Variants in DOCK3 observed in about 807,000 individuals in gnomAD.
DOCK3 encodes dedicator of cytokinesis protein 3.
A neutral mutation model predicts 265.6 loss-of-function variants in DOCK3; 60 were observed. That is an observed-to-expected ratio of 0.23 (90% CI 0.18 to 0.28). DOCK3 has a LOEUF of 0.28. Ranked by LOEUF, DOCK3 falls within the 10% of genes least tolerant of loss-of-function variation. The probability of loss-of-function intolerance (pLI) is 1.00; values close to 1 mark genes in which losing one functional copy is unlikely to be tolerated. For synonymous variants in DOCK3, 881 were observed against 938.0 expected (o/e 0.94, Z 1.11); for missense variants, 1,981 against 2,594.3 (o/e 0.76, Z 5.14).
intron 6 of DOCK3, among the ~76,000 whole-genome samples, chr3:51,065,411 A>C (rs1404914230): frequency 1.3e-5 from 2 of 152,156 alleles, no homozygotes; most frequent in Non-Finnish European, 2.9e-5. Flanking sequence ...GGAAGCCGGA[A>C]AGTAGATGAA....
intron 9 of DOCK3, among the ~76,000 whole-genome samples, chr3:51,126,758 C>T (rs906532180): frequency 1.3e-5 from 2 of 152,070 alleles, no homozygotes; most frequent in Non-Finnish European, 2.9e-5. Flanking sequence ...TTCATAAGTA[C>T]GTGATTTCTT....
chr3:50,849,403 CAT>C (rs998885968), intron 3 of DOCK3, among the ~76,000 whole-genome samples: 14 of 151,588 alleles, frequency 9.2e-5, no homozygotes, highest in South Asian at 4.2e-4. Context: ...CACACACACA[CAT>C]ACACACACAC....
intron 6 of DOCK3, among the ~76,000 whole-genome samples, chr3:51,065,219 A>G (rs2081548823): frequency 6.6e-6 from 1 of 152,174 alleles, no homozygotes; most frequent in Admixed American, 6.5e-5. Context: ...TTTATAATTG[A>G]TATAAATTTC....
Position 51,381,087 on chromosome 3 carries a change from C to T in DOCK3, c.5621C>T (p.Pro1874Leu). The T allele has an allele frequency of 1.2e-6, 2 of 1,610,068 alleles. No homozygotes were observed. The highest frequency in any genetic ancestry group is 1.7e-6 in the Non-Finnish European group (2 of 1,177,046). Residue 1874 changes from proline to leucine, a missense_variant, in exon 53 of 53, where the codon CCC becomes CTC. By Grantham distance (98) the Pro-to-Leu change is moderately conservative (BLOSUM62 -3). Coordinates refer to ENST00000266037, the MANE Select transcript of DOCK3 (RefSeq NM_004947.5). This position sits in a 1 kb window ranked among gnomAD's most constrained non-coding sequence, Gnocchi z 5.6. The part of the protein sequence containing the change: ...LHPIPASPTS[P>L]QSGLDGSNST... The stretch of plus-strand genomic sequence containing the variant: ...CCTATCCCAGCCTCCCCCACAAGCC[C>T]CCAGTCAGGTCTGGACGGCAGCAAC...
chr3:50,918,506 G>A (rs1398032991), intron 4 of DOCK3, among the ~76,000 whole-genome samples: 4 of 152,078 alleles, frequency 2.6e-5, no homozygotes, highest in Non-Finnish European at 4.4e-5. Flanking sequence ...TTCTCTGATG[G>A]CCAGTGATAA....
chr3:51,104,367 T>C (rs2083197975), intron 9 of DOCK3, among the ~76,000 whole-genome samples: 1 of 152,220 alleles, frequency 6.6e-6, no homozygotes, highest in African/African-American at 2.4e-5. Context: ...CTTTGGATTT[T>C]ACTTTAAGTG....
rs762964297 is a variant in DOCK3 at position 51,075,433 on chromosome 3, A to G, written c.542A>G (p.Tyr181Cys). 1.9e-6 allele frequency: 3 copies of G among 1,603,928 alleles called. No individual in the cohort carries two copies. The highest frequency in any genetic ancestry group is 2.6e-6 in the Non-Finnish European group (3 of 1,175,846). ...DSDQISVSDL[Y>C]KMHLSSRQSV... ...GACCAGATTAGTGTCTCAGATCTCT[A>G]TAAGATGGTAAGAAATCTAACATGA... Residue 181 changes from tyrosine (Y) to cysteine (C), a missense_variant, in exon 7 of 53, where the codon TAT becomes TGT. This residue lies in a region of DOCK3 where 456 missense variants were observed against 539.0 expected (regional missense o/e 0.85). Transcript: ENST00000266037.
At chr3:50,758,182 AAAAAAAAAAAAAAAG>A (rs1213434022) in intron 1 of DOCK3, among the ~76,000 whole-genome samples, 29 of 130,240 alleles carry the variant, frequency 2.2e-4, no homozygotes, top group Admixed American at 1.0e-3. Flanking sequence ...TGTCTCAAAA[AAAAAAAAAAAAAAAG>A]AAAAAAAAAA....
intron 1 of DOCK3, among the ~76,000 whole-genome samples, chr3:50,775,197 G>A (rs1017808947): frequency 3.3e-5 from 5 of 151,964 alleles, no homozygotes; most frequent in Non-Finnish European, 7.4e-5. Flanking sequence ...TATGATTGGT[G>A]TTATTTTTTT....
chr3:51,012,508 A>C (rs2078993127), intron 5 of DOCK3, among the ~76,000 whole-genome samples: 1 of 152,152 alleles, frequency 6.6e-6, no homozygotes, highest in African/African-American at 2.4e-5. Context: ...GTGCAGTATT[A>C]GGGTGGGAGT....
intron 5 of DOCK3, among the ~76,000 whole-genome samples, chr3:50,970,340 A>C (rs2077162240): frequency 6.6e-6 from 1 of 152,178 alleles, no homozygotes. Flanking sequence ...CTAAATCTCT[A>C]GCAAGACTAT....
intron 31 of DOCK3, among the ~76,000 whole-genome samples, chr3:51,314,267 CTT>C (rs2083245979): frequency 6.6e-6 from 1 of 152,222 alleles, no homozygotes; most frequent in Admixed American, 6.5e-5. Context: ...ACATCACACA[CTT>C]ACCATGGAAA....
chr3:51,154,251 A>T (rs2085742796), intron 10 of DOCK3, among the ~76,000 whole-genome samples: 1 of 152,240 alleles, frequency 6.6e-6, no homozygotes, highest in South Asian at 2.1e-4. Flanking sequence ...GTATGGAAAG[A>T]TTTATAAATC....
chr3:50,930,635 G>A (rs779478395), intron 4 of DOCK3, among the ~76,000 whole-genome samples: 4 of 152,320 alleles, frequency 2.6e-5, no homozygotes, highest in African/African-American at 7.2e-5. Flanking sequence ...CAGGGGCAGC[G>A]CAGAGCTCCC....
chr3:51,248,033 T>C (rs1036628269), intron 22 of DOCK3, among the ~76,000 whole-genome samples: 11 of 152,184 alleles, frequency 7.2e-5, no homozygotes, highest in African/African-American at 2.7e-4. Flanking sequence ...AAATCATTCG[T>C]TTAATCATTC....
chr3:50,783,326 C>T (rs1029135908), intron 2 of DOCK3, among the ~76,000 whole-genome samples: 14 of 152,036 alleles, frequency 9.2e-5, no homozygotes, highest in South Asian at 2.1e-4. Context: ...TCACCACATC[C>T]GTGCCAATAT....
intron 4 of DOCK3, chr3:50,900,614 A>G (rs1030940311): frequency 4.9e-6 from 2 of 409,140 alleles, no homozygotes; most frequent in Non-Finnish European, 9.5e-6. Context: ...TCGTGGATTT[A>G]TCTACCTTTG....
chr3:51,349,023 A>G (rs1454828236), intron 39 of DOCK3, 85 bp downstream of exon 39: 2 of 1,268,440 alleles, frequency 1.6e-6, no homozygotes, highest in Non-Finnish European at 2.2e-6. Context: ...CCCTTAGTTT[A>G]GTGCTGTGGA....
chr3:51,207,284 G>C lies in DOCK3; in HGVS notation c.1038-1490G>C, dbSNP rs546068107. Among the ~76,000 whole-genome samples the C allele has an allele frequency of 4.6e-5, 7 of 152,276 alleles. No homozygotes were observed. In the South Asian group the frequency reaches 1.0e-3, roughly 23 times the overall value. On this transcript the variant is annotated intron_variant, in intron 12 of 52. Coordinates refer to ENST00000266037, the MANE Select transcript of DOCK3 (RefSeq NM_004947.5). ...TGAAATAATGCAGATTGCCACTGTTGATAGGACTAACAAAGCTCCAGTTCC... is the reference window on the plus strand; with the variant it reads ...TGAAATAATGCAGATTGCCACTGTTCATAGGACTAACAAAGCTCCAGTTCC...
Sources: allele counts gnomAD v4.1 joint callset (sites outside exome capture counted in the v4.1 genomes callset), GRCh38; gene constraint gnomAD v4.1.1; regional missense constraint gnomAD v4.1.1; non-coding constraint Gnocchi (gnomAD v3.1); transcripts MANE v1.5; gene names NCBI Gene and HGNC (gene_info 2026-07-23, HGNC 2026-07-21).